Variants in NME4 observed in about 807,000 individuals in gnomAD.
NME4 encodes the protein NME/NM23 nucleoside diphosphate kinase 4, also known as nucleoside diphosphate kinase D, mitochondrial.
NME4 carries 21 observed loss-of-function variants against 16.4 expected under a neutral mutation model. The observed-to-expected ratio is 1.28, with a 90% CI of 0.91 to 1.84. The LOEUF is 1.84. Ranked by LOEUF, NME4 falls within the 40% of genes most tolerant of loss-of-function variation. NME4 has a pLI of 0.00. For synonymous variants in NME4, 132 were observed against 107.5 expected, an observed-to-expected ratio of 1.23 and a Z score of -1.41; for missense variants, 316 against 261.3, an observed-to-expected ratio of 1.21 and a Z score of -1.44.
At position 400,321 on chromosome 16, in the gene NME4, C is replaced by A. The variant is rs199675006; in HGVS notation, c.543C>A (p.His181Gln). Reference sequence around the variant, plus strand: ...TGAGCTGGGCAGACGGGGGCCAGCACAGCAGCATCCACCCAGCCTGAGGCT... The same window carrying A: ...TGAGCTGGGCAGACGGGGGCCAGCAAAGCAGCATCCACCCAGCCTGAGGCT... ...ELVSWADGGQ[H>Q]SSIHPA Residue 181 changes from histidine (H) to glutamine (Q), a missense_variant, in exon 5 of 5, where the codon CAC becomes CAA. His to Gln is a conservative substitution (Grantham distance 24). Coordinates refer to ENST00000219479, the MANE Select transcript of NME4 (RefSeq NM_005009.3). 6.2e-7 allele frequency: 1 copy of A among 1,604,628 alleles called. No individual in the cohort carries two copies. The highest frequency in any genetic ancestry group is 2.2e-5 in the East Asian group (1 of 44,844).
intron 1 of NME4, chr16:398,680 T>C (rs1386937668): frequency 1.7e-5 from 8 of 464,846 alleles, no homozygotes; most frequent in Non-Finnish European, 3.1e-5. Flanking sequence ...CTTGCGGTGG[T>C]GGTCCCTGAG....
intron 2 of NME4, 59 bp from the exon 3 acceptor site, chr16:399,320 T>C: frequency 6.5e-7 from 1 of 1,534,158 alleles, no homozygotes; most frequent in East Asian, 2.2e-5. Context: ...GCATCACAGC[T>C]GCTGTGCTAG....
Position 399,124 on chromosome 16 carries a change from G to A in NME4, c.225+1G>A, listed in dbSNP as rs749465917. The A allele has an allele frequency of 1.4e-5, 22 of 1,594,844 alleles. No homozygotes were observed. Among genetic ancestry groups the A allele is most frequent in the Non-Finnish European group, 1.4e-5 (17 of 1,173,878 alleles). On this transcript the variant is annotated splice_donor_variant, in intron 2 of 4. Transcript: ENST00000219479. LOFTEE classifies it high-confidence loss of function. ...GCTGGTGGGGATGAAGATGCTGCAGGTAGTGGGACTCTGGGCTTGTGGGTG... is the reference window on the plus strand; with the variant it reads ...GCTGGTGGGGATGAAGATGCTGCAGATAGTGGGACTCTGGGCTTGTGGGTG...
At position 399,650 on chromosome 16, in the gene NME4, C is replaced by A. The variant is rs763988057; in HGVS notation, c.351C>A (p.Val117=). 1 of 1,613,230 alleles carries A rather than the reference C, an allele frequency of 6.2e-7. No homozygotes were observed. The highest frequency in any genetic ancestry group is 2.2e-5 in the East Asian group (1 of 44,880). The change falls in exon 4 of 5, where the codon GTC becomes GTA. Residue 117 remains valine (V), a synonymous_variant. Coordinates refer to ENST00000219479, the MANE Select transcript of NME4 (RefSeq NM_005009.3). ...AGGTCTGGGAAGGGTACAATGTCGT[C>A]CGCGCCTCGAGGGCCATGATTGGAC... The part of the protein sequence containing the change: ...VAMVWEGYNV[V]RASRAMIGHT...
In NME4 at chr16:399,097, A is replaced by G. The variant is rs754729793; in HGVS notation, c.199A>G (p.Thr67Ala). The G allele has an allele frequency of 6.3e-7, 1 of 1,596,828 alleles. No individual in the cohort carries two copies. Among genetic ancestry groups the G allele is most frequent in the East Asian group, 2.2e-5 (1 of 44,830 alleles). Residue 67 changes from threonine to alanine, a missense_variant, in exon 2 of 5, where the codon ACG becomes GCG. Physicochemically the swap from Thr to Ala is moderately conservative, Grantham distance 58. Transcript: ENST00000219479. ...CCAGCGCTTTGAGAGGCGGGGCTTC[A>G]CGCTGGTGGGGATGAAGATGCTGCA... ...VIQRFERRGF[T>A]LVGMKMLQAP... is the part of the protein sequence containing the mutation.
At chr16:398,813 AGG>A in intron 1 of NME4, 175 bp from the exon 2 acceptor site, 1 of 796,058 alleles carries the variant, frequency 1.3e-6, no homozygotes, top group Non-Finnish European at 2.0e-6. Context: ...TGTCCCTGAC[AGG>A]GACTATCATG....
intron 1 of NME4, among the ~76,000 whole-genome samples, 162 bp downstream of exon 1, chr16:397,475 C>T (rs2054566772): frequency 7.2e-6 from 1 of 139,540 alleles, no homozygotes; most frequent in African/African-American, 2.6e-5. Flanking sequence ...CCGGCTCGCA[C>T]CCGCACGCCC....
At chr16:397,791 T>G in intron 1 of NME4, 1 of 1,345,932 alleles carries the variant, frequency 7.4e-7, no homozygotes, top group East Asian at 3.2e-5. Context: ...TAGGCCAGAA[T>G]CTGACTGGGA....
rs1276983019 is a variant in NME4, at chr16:398,016, G to A, written c.91+703G>A. ...ACCAACCAGGGGGTCTTCCTCCCGT[G>A]GGCTTCAGCCGCCTGCTGGGGTTAA... On this transcript the variant is annotated intron_variant, in intron 1 of 4. Transcript: ENST00000219479. 3.2e-6 allele frequency: 5 copies of A among 1,538,538 alleles called. No homozygotes were observed. In the African/African-American group the frequency reaches 5.5e-5, roughly 17 times the overall value.
In NME4 at chr16:397,259, C is replaced by G; in HGVS notation, c.37C>G (p.Leu13Val). The G allele has an allele frequency of 9.5e-7, 1 of 1,050,184 alleles. No homozygotes were observed. The highest frequency in any genetic ancestry group is 1.1e-6 in the Non-Finnish European group (1 of 874,188). 65.1% of individuals were successfully genotyped at this position (1,050,184 alleles called of 1,614,324 possible). A position where few individuals can be genotyped will look rare whatever the true frequency, so the allele number is the denominator to read the frequency against. The change falls in exon 1 of 5, where the codon CTG (leucine) becomes GTG (valine). Residue 13 changes from leucine (L) to valine (V), a missense_variant. Physicochemically the swap from Leu to Val is conservative, Grantham distance 32. Transcript: ENST00000219479. ...CTTCTGGCGCTCCGCGCTGCGGGGG[C>G]TGCGCTGCGGCCCGCGGGCCCCGGG... is the stretch of plus-strand genomic sequence containing the variant. Reference protein sequence around the residue: ...GLFWRSALRGLRCGPRAPGPS... With the variant: ...GLFWRSALRGVRCGPRAPGPS...
upstream of NME4, chr16:396,989 G>C (rs556182942): frequency 1.3e-5 from 2 of 152,946 alleles, no homozygotes; most frequent in South Asian, 4.1e-4. Flanking sequence ...GGTTGCGTCG[G>C]TGTAAAGACG....
chr16:397,774 G>A, intron 1 of NME4: 1 of 1,476,900 alleles, frequency 6.8e-7, no homozygotes. Flanking sequence ...TTCGCTGAAG[G>A]CCAAGTTAGG....
intron 1 of NME4, chr16:397,802 C>T (rs886699441): frequency 5.4e-5 from 76 of 1,407,318 alleles, no homozygotes; most frequent in Non-Finnish European, 7.0e-5. Context: ...CTGACTGGGA[C>T]GTCAGGCCCC....
rs1317523735 is a variant in NME4 at position 399,024 on chromosome 16, G to A, written c.126G>A (p.Val42=). 3.7e-6 allele frequency: 6 copies of A among 1,609,808 alleles called. No homozygotes were observed. The highest frequency in any genetic ancestry group is 2.7e-5 in the African/African-American group (2 of 74,944). The change falls in exon 2 of 5, where the codon GTG becomes GTA. Residue 42 remains valine, a synonymous_variant. Transcript: ENST00000219479. ...CCTGGACCCGGGAGCGGACCCTGGT[G>A]GCGGTGAAGCCCGATGGCGTGCAAC... ...GPSWTRERTL[V]AVKPDGVQRR...
Position 397,281 on chromosome 16 carries a change from C to CG in NME4, c.62dup (p.Ser23GlufsTer40). Reference sequence around the variant, plus strand: ...GGGCTGCGCTGCGGCCCGCGGGCCCCGGGCCCGAGCCTGCTAGTGCGCCAC... The same window carrying CG: ...GGGCTGCGCTGCGGCCCGCGGGCCCCGGGGCCCGAGCCTGCTAGTGCGCCAC... On this transcript the variant is annotated frameshift_variant, in exon 1 of 5. Coordinates refer to ENST00000219479, the MANE Select transcript of NME4 (RefSeq NM_005009.3). LOFTEE classifies it high-confidence loss of function. 1 of 1,058,092 alleles carries CG rather than the reference C, an allele frequency of 9.5e-7. No individual in the cohort carries two copies. The highest frequency in any genetic ancestry group is 1.1e-6 in the Non-Finnish European group (1 of 879,134). 65.5% of individuals were successfully genotyped at this position (1,058,092 alleles called of 1,614,324 possible). A position where few individuals can be genotyped will look rare whatever the true frequency, so the allele number is the denominator to read the frequency against.
At chr16:400,083 C>T in intron 4 of NME4, 136 bp from the exon 5 acceptor site, 1 of 1,315,896 alleles carries the variant, frequency 7.6e-7, no homozygotes. Context: ...TTCCCAGCTC[C>T]ACTGTTACTC....
chr16:398,457 T>C (rs2054594145), intron 1 of NME4: 1 of 1,150,604 alleles, frequency 8.7e-7, no homozygotes, highest in Non-Finnish European at 1.1e-6. Context: ...CTCTGGGTTC[T>C]TCCTCATGTG....
Position 400,389 on chromosome 16 carries a change from C to CAGTT in NME4, c.*47_*48insAGTT. On this transcript the variant is annotated 3_prime_UTR_variant, in exon 5 of 5. Coordinates refer to ENST00000219479, the MANE Select transcript of NME4 (RefSeq NM_005009.3). ...CCCATCCCCCACGCAGGACCAACTA[C>CAGTT]CTCCGTCAGCAAGAACCCAAGCCCA... 6.4e-7 allele frequency: 1 copy of CAGTT among 1,570,946 alleles called. No homozygotes were observed. The highest frequency in any genetic ancestry group is 8.5e-7 in the Non-Finnish European group (1 of 1,170,432).
intron 1 of NME4, chr16:397,884 C>A: frequency 6.4e-7 from 1 of 1,555,300 alleles, no homozygotes; most frequent in Admixed American, 1.9e-5. Context: ...CCCAGGGCTC[C>A]CTCCATCGGC....
Sources: allele counts gnomAD v4.1 joint callset (sites outside exome capture counted in the v4.1 genomes callset), GRCh38; gene constraint gnomAD v4.1.1; transcripts MANE v1.5; gene names NCBI Gene and HGNC (gene_info 2026-07-23, HGNC 2026-07-21).